The following SRPRA variants were observed in gnomAD, a reference collection of about 807,000 sequenced individuals.
SRPRA encodes the protein signal recognition particle receptor subunit alpha.
SRPRA carries 30 observed loss-of-function variants against 61.1 expected under a neutral mutation model. The observed-to-expected ratio is 0.49, with a 90% CI of 0.37 to 0.67. SRPRA has a LOEUF of 0.67. Ranked by LOEUF, SRPRA falls within the 30% of genes least tolerant of loss-of-function variation. The pLI, the probability that SRPRA is intolerant of heterozygous loss-of-function variation, is 0.00. For missense variants in SRPRA, 759 were observed against 828.4 expected (o/e 0.92, Z 1.03); for synonymous variants, 324 against 299.7 (o/e 1.08, Z -0.84).
rs1565347096 is a variant in SRPRA, at chr11:126,266,940, CACTG to C, written c.527-22_527-19del. The C allele has an allele frequency of 6.2e-7, 1 of 1,603,624 alleles. No individual in the cohort carries two copies. Among genetic ancestry groups the C allele is most frequent in the South Asian group, 1.1e-5 (1 of 89,956 alleles). On this transcript the variant is annotated intron_variant, in intron 4 of 13. Transcript: ENST00000332118. ...ATCAGAACCTGTTGGGGAAAAAACTCACTGAAGAAAAAAGAAGACCAATCCCAAC... is the reference window on the plus strand; with the variant it reads ...ATCAGAACCTGTTGGGGAAAAAACTCAAGAAAAAAGAAGACCAATCCCAAC...
At position 126,265,188 on chromosome 11, in the gene SRPRA, A is replaced by G. The variant is rs1950782162; in HGVS notation, c.1312-16T>C. On this transcript the variant is annotated splice_polypyrimidine_tract_variant and intron_variant, in intron 10 of 13. Transcript: ENST00000332118. This position sits in a 1 kb window ranked among gnomAD's most constrained non-coding sequence, Gnocchi z 6.3. ...AGAAGGAAATCTGTGAAAAAGACGT[A>G]AGAAAAGTCACCTAAAGCCAGGATT... is the stretch of plus-strand genomic sequence containing the variant. The G allele has an allele frequency of 6.2e-7, 1 of 1,614,102 alleles. No homozygotes were observed. The highest frequency in any genetic ancestry group is 1.3e-5 in the African/African-American group (1 of 75,062).
chr11:126,268,792 A>C lies in SRPRA; in HGVS notation c.13T>G (p.Phe5Val). MLDF[F>V]TIFSKGGLVL... The stretch of plus-strand genomic sequence containing the variant: ...AGCCCGCCCTTGGAGAAAATGGTGA[A>C]GAAGTCGAGCATGGCGGCAGCGGCA... Residue 5 changes from phenylalanine to valine, a missense_variant, in exon 1 of 14, where the codon TTC (phenylalanine) becomes GTC (valine). Physicochemically the swap from Phe to Val is conservative, Grantham distance 50. Coordinates refer to ENST00000332118, the MANE Select transcript of SRPRA (RefSeq NM_003139.4). 1.9e-6 allele frequency: 3 copies of C among 1,613,576 alleles called. No homozygotes were observed. The highest frequency in any genetic ancestry group is 2.5e-6 in the Non-Finnish European group (3 of 1,179,976).
chr11:126,262,381 C>T, downstream of SRPRA: 2 of 561,308 alleles, frequency 3.6e-6, no homozygotes, highest in Non-Finnish European at 6.3e-6. Flanking sequence ...CAGCTCCCAA[C>T]CCACTCCCCA....
At chr11:126,236,285 T>G in the SRPRA span, among the ~76,000 whole-genome samples, 1 of 152,234 alleles carries the variant, frequency 6.6e-6, no homozygotes, top group Non-Finnish European at 1.5e-5. Flanking sequence ...AGAAAATTAT[T>G]TGGACATATT....
At chr11:126,262,495 G>A, downstream of SRPRA, 1 of 302,512 alleles carries the variant, frequency 3.3e-6, no homozygotes, top group Non-Finnish European at 6.1e-6. Context: ...TGGAATCACT[G>A]TGGCTCTTGT....
At position 126,267,877 on chromosome 11, in the gene SRPRA, C is replaced by T. The variant is rs1168274897; in HGVS notation, c.201+126G>A. ...GCCTGGGCCCAGTAGCTGCTGTTTTCCCCCATCTACCTTTCTAGTTTTTTC... is the reference window on the plus strand; with the variant it reads ...GCCTGGGCCCAGTAGCTGCTGTTTTTCCCCATCTACCTTTCTAGTTTTTTC... On this transcript the variant is annotated intron_variant, in intron 2 of 13. Coordinates refer to ENST00000332118, the MANE Select transcript of SRPRA (RefSeq NM_003139.4). This position sits in a 1 kb window ranked among gnomAD's most constrained non-coding sequence, Gnocchi z 4.2. 2.9e-6 allele frequency: 4 copies of T among 1,364,666 alleles called. No homozygotes were observed. The highest frequency in any genetic ancestry group is 3.1e-6 in the Non-Finnish European group (3 of 976,946). The allele number at this position is 1,364,666 out of a possible 1,614,324, so 84.5% of individuals were successfully genotyped here.
Position 126,263,753 on chromosome 11 carries a change from G to T in SRPRA, c.*163C>A. ...GATTAGGCCTTCCTTGCAGATGGCG[G>T]CTGTGCTGAACGGGGAGTGGGGTTG... On this transcript the variant is annotated 3_prime_UTR_variant, in exon 14 of 14. Coordinates refer to ENST00000332118, the MANE Select transcript of SRPRA (RefSeq NM_003139.4). 1.0e-6 allele frequency: 1 copy of T among 981,432 alleles called. No individual in the cohort carries two copies. The highest frequency in any genetic ancestry group is 1.5e-6 in the Non-Finnish European group (1 of 664,942). 60.8% of individuals were successfully genotyped at this position (981,432 alleles called of 1,614,324 possible).
chr11:126,263,668 T>G lies in SRPRA; in HGVS notation c.*248A>C. ...GAGTCTGTAGGCAGAGTGAAGGGGG[T>G]GCCTGAGTAGGAAGGGGGAGGCCCG... is the stretch of plus-strand genomic sequence containing the variant. On this transcript the variant is annotated 3_prime_UTR_variant, in exon 14 of 14. Coordinates refer to ENST00000332118, the MANE Select transcript of SRPRA (RefSeq NM_003139.4). 2.0e-6 allele frequency: 1 copy of G among 491,476 alleles called. No homozygotes were observed. Among genetic ancestry groups the G allele is most frequent in the Non-Finnish European group, 3.7e-6 (1 of 273,608 alleles). The allele number at this position is 491,476 out of a possible 1,614,324, so 30.4% of individuals were successfully genotyped here. A position where few individuals can be genotyped will look rare whatever the true frequency, so the allele number is the denominator to read the frequency against.
At position 126,267,233 on chromosome 11, in the gene SRPRA, C is replaced by A; in HGVS notation, c.468G>T (p.Arg156=). 6.2e-7 allele frequency: 1 copy of A among 1,614,148 alleles called. No individual in the cohort carries two copies. Among genetic ancestry groups the A allele is most frequent in the East Asian group, 2.2e-5 (1 of 44,876 alleles). The change falls in exon 4 of 14, where the codon CGG becomes CGT. Residue 156 remains arginine, a synonymous_variant. Transcript: ENST00000332118. The surrounding 1 kb of genome is among the most constrained non-coding windows in gnomAD (Gnocchi z 4.2). ...KKPVRSMIET[R]GEKPKEKAKN... is the part of the protein sequence containing the mutation. The stretch of plus-strand genomic sequence containing the variant: ...TTGCTTTTTCCTTGGGCTTTTCCCC[C>A]CGTGTCTCAATCATGGACCTCACAG...
At chr11:126,236,652 G>C in the SRPRA span, among the ~76,000 whole-genome samples, 1 of 151,986 alleles carries the variant, frequency 6.6e-6, no homozygotes, top group African/African-American at 2.4e-5. Flanking sequence ...TTACTTTTTT[G>C]ATACTTTCCA....
chr11:126,241,205 GT>G, the SRPRA span: 2 of 691,066 alleles, frequency 2.9e-6, no homozygotes, highest in African/African-American at 1.8e-5. Context: ...CGCAATGTCT[GT>G]TTATGGACCC....
chr11:126,237,869 A>G, the SRPRA span, among the ~76,000 whole-genome samples: 7 of 150,652 alleles, frequency 4.6e-5, no homozygotes, highest in African/African-American at 7.3e-5. Context: ...AAAAAAAAAA[A>G]AAAAGAAAAG....
chr11:126,252,912 G>A, the SRPRA span, among the ~76,000 whole-genome samples: 15 of 152,120 alleles, frequency 9.9e-5, no homozygotes, highest in South Asian at 2.1e-4. This position sits in a 1 kb window ranked among gnomAD's most constrained non-coding sequence, Gnocchi z 4.7. Flanking sequence ...GTGCACGCCT[G>A]TAATCCCAGT....
rs1327454291 is a variant in SRPRA, at chr11:126,263,441, G to A, written c.*475C>T. 1 of 156,886 alleles carries A rather than the reference G, an allele frequency of 6.4e-6. No individual in the cohort carries two copies. Among genetic ancestry groups the A allele is most frequent in the Non-Finnish European group, 1.4e-5 (1 of 70,754 alleles). 9.7% of individuals were successfully genotyped at this position (156,886 alleles called of 1,614,324 possible). ...ACAGGCAATACACTGCCACAGTGAGGCGGGTGTCATCCAGGTCCTGGGGAC... is the reference window on the plus strand; with the variant it reads ...ACAGGCAATACACTGCCACAGTGAGACGGGTGTCATCCAGGTCCTGGGGAC... On this transcript the variant is annotated 3_prime_UTR_variant, in exon 14 of 14. Coordinates refer to ENST00000332118, the MANE Select transcript of SRPRA (RefSeq NM_003139.4).
chr11:126,240,990 T>G, the SRPRA span: 1 of 1,613,834 alleles, frequency 6.2e-7, no homozygotes, highest in Non-Finnish European at 8.5e-7. Flanking sequence ...AATGTCTCCA[T>G]GAAGACAAGA....
chr11:126,236,705 T>C, the SRPRA span, among the ~76,000 whole-genome samples: 1 of 152,076 alleles, frequency 6.6e-6, no homozygotes, highest in Non-Finnish European at 1.5e-5. Flanking sequence ...AAACTCTTGT[T>C]ATTCAGATGT....
chr11:126,264,726 G>T lies in SRPRA; in HGVS notation c.1526-187C>A, dbSNP rs964383902. The T allele has an allele frequency of 2.5e-6, 2 of 794,808 alleles. No homozygotes were observed. The highest frequency in any genetic ancestry group is 1.7e-5 in the African/African-American group (1 of 57,540). 49.2% of individuals were successfully genotyped at this position (794,808 alleles called of 1,614,324 possible). A position where few individuals can be genotyped will look rare whatever the true frequency, so the allele number is the denominator to read the frequency against. ...CACCAAACATATTCAGGAAAAGGAG[G>T]ACAACAGGATGAAGGTGACCAAATT... On this transcript the variant is annotated intron_variant, in intron 11 of 13. Coordinates refer to ENST00000332118, the MANE Select transcript of SRPRA (RefSeq NM_003139.4). This position sits in a 1 kb window ranked among gnomAD's most constrained non-coding sequence, Gnocchi z 5.0.
At chr11:126,244,153 G>A in the SRPRA span, among the ~76,000 whole-genome samples, 1 of 152,218 alleles carries the variant, frequency 6.6e-6, no homozygotes, top group Non-Finnish European at 1.5e-5. This position sits in a 1 kb window ranked among gnomAD's most constrained non-coding sequence, Gnocchi z 4.5. Flanking sequence ...AATGGTGAAA[G>A]ACTGGATTTT....
chr11:126,266,157 T>C (rs1368362006), intron 7 of SRPRA, 30 bp downstream of exon 7: 1 of 1,613,510 alleles, frequency 6.2e-7, no homozygotes, highest in Admixed American at 1.7e-5. Context: ...TGCAGATGCA[T>C]ATACCAACCC....
Sources: gnomAD v4.1 joint callset for allele counts (sites outside exome capture counted in the v4.1 genomes callset) on GRCh38, gnomAD v4.1.1 for gene constraint, Gnocchi (gnomAD v3.1) non-coding constraint, MANE v1.5 for transcripts, NCBI Gene and HGNC (gene_info 2026-07-23, HGNC 2026-07-21) for gene names.